BSCL2: variants seen among roughly 807,000 people sequenced by gnomAD.
BSCL2 encodes the protein seipin.
BSCL2 carries 41 observed loss-of-function variants against 57.4 expected under a neutral mutation model. The observed-to-expected ratio is 0.71, with a 90% CI of 0.56 to 0.93. BSCL2 has a LOEUF of 0.93. Among genes scored for constraint, BSCL2 ranks in the 40% least tolerant of loss-of-function variants. The pLI is 0.00. For missense variants in BSCL2, 539 were observed against 586.7 expected (o/e 0.92, Z 0.84); for synonymous variants, 237 against 227.3 (o/e 1.04, Z -0.38).
intron 3 of BSCL2, among the ~76,000 whole-genome samples, chr11:62,695,630 G>A (rs1945433523): frequency 7.0e-6 from 1 of 143,854 alleles, no homozygotes; most frequent in East Asian, 2.1e-4. Context: ...AGAATCGCTT[G>A]AACCCTGGAG....
intron 2 of BSCL2, among the ~76,000 whole-genome samples, chr11:62,703,349 T>C (rs1392100319): frequency 2.4e-4 from 3 of 12,332 alleles, no homozygotes; most frequent in African/African-American, 6.0e-4. Flanking sequence ...GCATATACGT[T>C]TTTTTTTTTT....
At chr11:62,706,789 T>C (rs1268029625) in intron 1 of BSCL2, 1 of 568,652 alleles carries the variant, frequency 1.8e-6, no homozygotes, top group African/African-American at 1.9e-5. Context: ...GCAGGCAGAT[T>C]AGTGCCCTGT....
upstream of BSCL2, chr11:62,708,284 CT>C: frequency 6.3e-7 from 1 of 1,589,716 alleles, no homozygotes; most frequent in Non-Finnish European, 8.6e-7. Flanking sequence ...AGAGGTCCCT[CT>C]TTTTTCCAGG....
chr11:62,706,245 G>T, intron 1 of BSCL2: 3 of 1,091,934 alleles, frequency 2.7e-6, no homozygotes, highest in South Asian at 2.3e-5. Flanking sequence ...GCTGCCACAG[G>T]GCTGCCGACT....
chr11:62,694,073 CAG>C, intron 4 of BSCL2, among the ~76,000 whole-genome samples: 1 of 152,158 alleles, frequency 6.6e-6, no homozygotes, highest in East Asian at 1.9e-4. Flanking sequence ...CTCGGCCTCC[CAG>C]AGTGTTGGGA....
chr11:62,690,407 C>G lies in BSCL2; in HGVS notation c.1349G>C (p.Gly450Ala), dbSNP rs2134688482. 2 of 1,614,090 alleles carry G rather than the reference C, an allele frequency of 1.2e-6. No individual in the cohort carries two copies. Among genetic ancestry groups the G allele is most frequent in the Non-Finnish European group, 1.7e-6 (2 of 1,180,018 alleles). The change falls in exon 11 of 11, where the codon GGG (glycine) becomes GCG (alanine). Residue 450 changes from glycine to alanine, a missense_variant. Physicochemically the swap from Gly to Ala is moderately conservative, Grantham distance 60. This residue lies in a region of BSCL2 where 248 missense variants were observed against 239.9 expected (regional missense o/e 1.03). Coordinates refer to ENST00000360796, the MANE Select transcript of BSCL2 (RefSeq NM_001122955.4). ...GGTGGGGCGCTGTCGGAGAGCACCCCCAGCAGGTTCAGAGCTGCCCAGAGT... is the reference window on the plus strand; with the variant it reads ...GGTGGGGCGCTGTCGGAGAGCACCCGCAGCAGGTTCAGAGCTGCCCAGAGT... Reference protein sequence around the residue: ...LETLGSSEPAGGALRQRPTCS... With the variant: ...LETLGSSEPAAGALRQRPTCS...
At chr11:62,708,008 G>A (rs1453362606), upstream of BSCL2, 7 of 448,792 alleles carry the variant, frequency 1.6e-5, no homozygotes, top group Non-Finnish European at 2.1e-5. Flanking sequence ...GGTCTTCAGA[G>A]CTGGGAACAC....
Position 62,702,925 on chromosome 11 carries a change from C to T in BSCL2, c.405-376G>A, listed in dbSNP as rs111937098. On this transcript the variant is annotated intron_variant, in intron 2 of 10. Transcript: ENST00000360796. ...CAGCACTTTTGGAGGCCGAGGAGGG[C>T]GGATCACCTGAGGTCAGGAGTTTAA... Among the ~76,000 whole-genome samples the T allele has an allele frequency of 3.9e-5, 6 of 152,092 alleles. 2 individuals are homozygous for T. The highest frequency in any genetic ancestry group is 1.4e-4 in the African/African-American group (6 of 41,494).
At chr11:62,702,886 C>G (rs185372218) in intron 2 of BSCL2, among the ~76,000 whole-genome samples, 2 of 152,174 alleles carry the variant, frequency 1.3e-5, no homozygotes, top group African/African-American at 4.8e-5. Context: ...AGCAGCGGCT[C>G]ACGCCTGTAA....
chr11:62,707,042 G>A (rs1364559954), intron 1 of BSCL2, 67 bp downstream of exon 1: 11 of 1,344,642 alleles, frequency 8.2e-6, no homozygotes, highest in Middle Eastern at 1.8e-4. Flanking sequence ...CCATCCCCCC[G>A]CCCCCTTCAC....
At chr11:62,707,768 G>A (rs1216420928), upstream of BSCL2, 4 of 277,498 alleles carry the variant, frequency 1.4e-5, no homozygotes, top group South Asian at 8.3e-5. Flanking sequence ...GCCCTCCCCA[G>A]GGGCCTCCTT....
At chr11:62,709,306 G>C (rs573512970), upstream of BSCL2, 3 of 454,136 alleles carry the variant, frequency 6.6e-6, no homozygotes, top group Non-Finnish European at 1.3e-5. Context: ...CATCGTCAAG[G>C]ATCGGAGATC....
chr11:62,706,175 G>A lies in BSCL2; in HGVS notation c.88-558C>T. 3.9e-6 allele frequency: 4 copies of A among 1,035,880 alleles called. No homozygotes were observed. In the South Asian group the frequency reaches 1.2e-4, roughly 31 times the overall value. 64.2% of individuals were successfully genotyped at this position (1,035,880 alleles called of 1,614,324 possible). A position where few individuals can be genotyped will look rare whatever the true frequency, so the allele number is the denominator to read the frequency against. On this transcript the variant is annotated intron_variant, in intron 1 of 10. Transcript: ENST00000360796. ...TTCCCGCCAGTCCCCTCCAGCTCGGGGGTGGGCAAAGCGCCCGGAGCCCCT... is the reference window on the plus strand; with the variant it reads ...TTCCCGCCAGTCCCCTCCAGCTCGGAGGTGGGCAAAGCGCCCGGAGCCCCT...
At position 62,690,852 on chromosome 11, in the gene BSCL2, T is replaced by C; in HGVS notation, c.1088A>G (p.Glu363Gly). 1.2e-6 allele frequency: 2 copies of C among 1,613,644 alleles called. No individual in the cohort carries two copies. Among genetic ancestry groups the C allele is most frequent in the Non-Finnish European group, 1.7e-6 (2 of 1,180,014 alleles). The change falls in exon 9 of 11, where the codon GAG becomes GGG. Residue 363 changes from glutamate to glycine, a missense_variant. Physicochemically the swap from Glu to Gly is moderately conservative, Grantham distance 98. Coordinates refer to ENST00000360796, the MANE Select transcript of BSCL2 (RefSeq NM_001122955.4). ...SAHQPGPEGQEESTPQSDVTE... is the reference protein window; with the variant it reads ...SAHQPGPEGQGESTPQSDVTE... ...AACATCTGATTGCGGAGTTGACTCC[T>C]CCTGGCCTTCAGGCCCTGCACCTCC...
rs1163758338 is a variant in BSCL2 at position 62,692,410 on chromosome 11, A to G, written c.829T>C (p.Tyr277His). Residue 277 changes from tyrosine to histidine, a missense_variant, in exon 6 of 11, where the codon TAC (tyrosine) becomes CAC (histidine). Tyr to His is a moderately conservative substitution (Grantham distance 83). Transcript: ENST00000360796. ...GTGAAGTGCGCGTGGATGCGGAGGT[A>G]GGCTCCATACAGCTGGATGCGCTTG... Reference protein sequence around the residue: ...HSKRIQLYGAYLRIHAHFTGL... With the variant: ...HSKRIQLYGAHLRIHAHFTGL... The G allele has an allele frequency of 1.1e-5, 17 of 1,614,020 alleles. No homozygotes were observed. Among genetic ancestry groups the G allele is most frequent in the Non-Finnish European group, 1.4e-5 (16 of 1,180,036 alleles).
At chr11:62,696,231 C>T (rs957879797) in intron 3 of BSCL2, among the ~76,000 whole-genome samples, 1 of 151,282 alleles carries the variant, frequency 6.6e-6, no homozygotes, top group Non-Finnish European at 1.5e-5. Flanking sequence ...GAGATTCCTA[C>T]CCCCCTGTAG....
upstream of BSCL2, chr11:62,708,882 C>A: frequency 1.8e-6 from 2 of 1,134,094 alleles, no homozygotes; most frequent in Non-Finnish European, 2.6e-6. Flanking sequence ...TTGTTGTGAG[C>A]CCCTTAGGCT....
chr11:62,702,601 C>G (rs1565151028), intron 2 of BSCL2, 52 bp from the exon 3 acceptor site: 1 of 1,510,728 alleles, frequency 6.6e-7, no homozygotes, highest in Non-Finnish European at 9.1e-7. Flanking sequence ...ACTAGTCCAT[C>G]CATACACCTT....
At chr11:62,702,348 G>A (rs1328374573) in intron 3 of BSCL2, 120 bp downstream of exon 3, 6 of 908,670 alleles carry the variant, frequency 6.6e-6, no homozygotes, top group African/African-American at 1.7e-5. Context: ...TTACAGGCGT[G>A]AGCCACCGTG....
Sources: gnomAD v4.1 joint callset for allele counts (sites outside exome capture counted in the v4.1 genomes callset) on GRCh38, gnomAD v4.1.1 for gene constraint, gnomAD v4.1.1 regional missense constraint, MANE v1.5 for transcripts, NCBI Gene and HGNC (gene_info 2026-07-23, HGNC 2026-07-21) for gene names.